Variants in TPTE2 observed in about 807,000 individuals in gnomAD.
TPTE2 encodes the protein transmembrane phosphoinositide 3-phosphatase and tensin homolog 2.
In TPTE2, 53 loss-of-function variants were observed where a neutral mutation model predicts 78.6. That is an observed-to-expected ratio of 0.67 (90% CI 0.54 to 0.85). TPTE2 has a LOEUF of 0.85. TPTE2 is among the 40% of genes least tolerant of loss of function. TPTE2 has a pLI of 0.00. For missense variants in TPTE2, 461 were observed against 623.0 expected (o/e 0.74, Z 2.77); for synonymous variants, 175 against 206.2 (o/e 0.85, Z 1.30).
At chr13:19,517,574 T>C (rs1869881963) in intron 1 of TPTE2, among the ~76,000 whole-genome samples, 1 of 152,124 alleles carries the variant, frequency 6.6e-6, no homozygotes, top group South Asian at 2.1e-4. Flanking sequence ...TTAATTCTCC[T>C]GATGAGGATG....
At chr13:19,516,835 T>C (rs1179906910) in intron 1 of TPTE2, among the ~76,000 whole-genome samples, 1 of 152,224 alleles carries the variant, frequency 6.6e-6, no homozygotes, top group African/African-American at 2.4e-5. Context: ...TTAACAGGCA[T>C]AGAATGAGGC....
Position 19,471,580 on chromosome 13 carries a change from G to A in TPTE2, c.392+2334C>T, listed in dbSNP as rs984313314. On this transcript the variant is annotated intron_variant, in intron 6 of 19. Transcript: ENST00000400230. ...AAACCCTACAACTTAAATTTGTCTCGCTATTATTTAACTTTTTGTTATTTC... is the reference window on the plus strand; with the variant it reads ...AAACCCTACAACTTAAATTTGTCTCACTATTATTTAACTTTTTGTTATTTC... 4.4e-4 allele frequency among the ~76,000 whole-genome samples: 67 copies of A among 151,856 alleles called. 1 individual carries two copies. The highest frequency in any genetic ancestry group is 1.2e-3 in the South Asian group (6 of 4,802).
At chr13:19,513,900 T>A (rs1309344086) in intron 1 of TPTE2, among the ~76,000 whole-genome samples, 1 of 152,208 alleles carries the variant, frequency 6.6e-6, no homozygotes, top group Non-Finnish European at 1.5e-5. Context: ...ACCACCTTCA[T>A]GCTCTTCATG....
chr13:19,439,452 A>C (rs1877347921), intron 13 of TPTE2, among the ~76,000 whole-genome samples: 1 of 152,116 alleles, frequency 6.6e-6, no homozygotes, highest in African/African-American at 2.4e-5. Context: ...TAGGAAAGGA[A>C]AGAAAAAGAA....
chr13:19,472,696 T>A (rs759670558), intron 6 of TPTE2, among the ~76,000 whole-genome samples: 17 of 152,190 alleles, frequency 1.1e-4, no homozygotes, highest in Non-Finnish European at 1.8e-4. Context: ...TGAGGTCATG[T>A]TTTCCTGGAT....
chr13:19,548,422 G>T, the TPTE2 span, among the ~76,000 whole-genome samples: 2 of 150,234 alleles, frequency 1.3e-5, no homozygotes, highest in Admixed American at 6.7e-5. Flanking sequence ...AAATAACAGA[G>T]CCCTTCTTTA....
intron 10 of TPTE2, among the ~76,000 whole-genome samples, chr13:19,458,126 G>T (rs1223323294): frequency 6.6e-6 from 1 of 152,152 alleles, no homozygotes; most frequent in Non-Finnish European, 1.5e-5. Flanking sequence ...TTTGTGAAAA[G>T]TTGAACATTA....
chr13:19,440,467 A>T (rs1877415475), intron 13 of TPTE2, among the ~76,000 whole-genome samples: 1 of 152,334 alleles, frequency 6.6e-6, no homozygotes, highest in East Asian at 1.9e-4. Context: ...TCAAAGGAAC[A>T]TACTTCAAAA....
upstream of TPTE2, among the ~76,000 whole-genome samples, chr13:19,507,319 A>AAAC (rs1555255251): frequency 1.3e-5 from 2 of 151,512 alleles, no homozygotes; most frequent in Non-Finnish European, 2.9e-5. Context: ...AAAAAAAAAA[A>AAAC]AAAAAACACA....
intron 10 of TPTE2, among the ~76,000 whole-genome samples, chr13:19,453,236 C>T (rs1878307136): frequency 6.6e-6 from 1 of 151,618 alleles, no homozygotes; most frequent in Non-Finnish European, 1.5e-5. Context: ...ACCATGCTGG[C>T]CAGGCTGGTT....
intron 14 of TPTE2, among the ~76,000 whole-genome samples, chr13:19,437,139 C>A (rs2137494131): frequency 6.6e-6 from 1 of 152,096 alleles, no homozygotes; most frequent in South Asian, 2.1e-4. Context: ...ATGTCAGTTA[C>A]AACCCAGTAA....
At chr13:19,439,139 T>C (rs1217615244) in intron 13 of TPTE2, among the ~76,000 whole-genome samples, 1 of 152,124 alleles carries the variant, frequency 6.6e-6, no homozygotes, top group East Asian at 1.9e-4. Context: ...CCCCTACCCC[T>C]AGGGCTGAGG....
At chr13:19,541,599 A>C (rs1593429993), upstream of TPTE2, among the ~76,000 whole-genome samples, 1 of 152,242 alleles carries the variant, frequency 6.6e-6, no homozygotes, top group East Asian at 1.9e-4. Context: ...GCCACTTATC[A>C]GGTTTAAAAA....
chr13:19,503,135 G>A, intron 1 of TPTE2, 89 bp downstream of exon 4: 1 of 1,573,758 alleles, frequency 6.4e-7, no homozygotes, highest in South Asian at 1.1e-5. Flanking sequence ...ATGCATGGAT[G>A]GATATATTTG....
intron 6 of TPTE2, among the ~76,000 whole-genome samples, chr13:19,468,823 G>A (rs1219483478): frequency 2.0e-5 from 3 of 152,168 alleles, no homozygotes; most frequent in Non-Finnish European, 4.4e-5. Flanking sequence ...GTTTTCTTCT[G>A]AGAAATGCCT....
chr13:19,549,140 T>C, the TPTE2 span, among the ~76,000 whole-genome samples: 1 of 146,200 alleles, frequency 6.8e-6, no homozygotes. Flanking sequence ...AAAGCAACTG[T>C]AATAAAAATA....
intron 18 of TPTE2, 72 bp downstream of exon 21, chr13:19,426,353 G>A: frequency 2.7e-6 from 3 of 1,105,922 alleles, no homozygotes; most frequent in Non-Finnish European, 2.8e-6. Context: ...GGGAATTGTA[G>A]TAAAGCAAAT....
chr13:19,511,797 G>T (rs1869462412), intron 1 of TPTE2, among the ~76,000 whole-genome samples: 1 of 151,886 alleles, frequency 6.6e-6, no homozygotes, highest in Non-Finnish European at 1.5e-5. Context: ...AATAAATAGG[G>T]GTAGGAATAG....
intron 13 of TPTE2, chr13:19,438,433 T>C (rs1877266214): frequency 1.0e-6 from 1 of 985,178 alleles, no homozygotes; most frequent in African/African-American, 1.7e-5. Context: ...AAAGCAACAA[T>C]TCATGTCTTT....
Sources: allele counts gnomAD v4.1 joint callset (sites outside exome capture counted in the v4.1 genomes callset), GRCh38; gene constraint gnomAD v4.1.1; transcripts MANE v1.5; gene names NCBI Gene and HGNC (gene_info 2026-07-23, HGNC 2026-07-21).